Variants in TTC39B observed in about 807,000 individuals in gnomAD.
TTC39B encodes tetratricopeptide repeat domain 39B.
Under a neutral mutation model 96.6 loss-of-function variants are expected in TTC39B, and 92 were observed. The observed-to-expected ratio is 0.95, with a 90% CI of 0.80 to 1.13. TTC39B has a LOEUF of 1.13. Among genes scored for constraint, TTC39B ranks in the 50% most tolerant of loss-of-function variants. The pLI is 0.00. For missense variants in TTC39B, 955 were observed against 809.3 expected (o/e 1.18, Z -2.18); for synonymous variants, 367 against 299.4 (o/e 1.23, Z -2.33).
At chr9:15,235,114 A>G (rs1226823468) in intron 2 of TTC39B, among the ~76,000 whole-genome samples, 1 of 152,146 alleles carries the variant, frequency 6.6e-6, no homozygotes, top group African/African-American at 2.4e-5. Context: ...AAGAAATTTC[A>G]AAATACAGTT....
intron 2 of TTC39B, chr9:15,249,984 C>A (rs1422796748): frequency 7.8e-7 from 1 of 1,286,966 alleles, no homozygotes; most frequent in East Asian, 5.6e-5. Flanking sequence ...CTTTCCCTCT[C>A]TTCTACCAGA....
At chr9:15,226,932 A>G (rs780723501) in intron 2 of TTC39B, among the ~76,000 whole-genome samples, 2 of 152,202 alleles carry the variant, frequency 1.3e-5, no homozygotes, top group Non-Finnish European at 2.9e-5. Flanking sequence ...CATTAAAAAA[A>G]GAGGTAAAGT....
intron 2 of TTC39B, among the ~76,000 whole-genome samples, chr9:15,240,373 C>G (rs896790024): frequency 2.6e-5 from 4 of 152,218 alleles, no homozygotes. Flanking sequence ...AATAGATAAA[C>G]TAGATAAACT....
intron 3 of TTC39B, among the ~76,000 whole-genome samples, chr9:15,218,817 T>G (rs1820679808): frequency 6.6e-6 from 1 of 152,124 alleles, no homozygotes; most frequent in African/African-American, 2.4e-5. Context: ...TGACTCCCTT[T>G]TGCCTCAAGA....
intron 2 of TTC39B, among the ~76,000 whole-genome samples, chr9:15,254,866 CACACACTTT>C (rs1461457634): frequency 7.7e-6 from 1 of 130,310 alleles, no homozygotes; most frequent in African/African-American, 3.9e-5. Context: ...CACACAAACA[CACACACTTT>C]TTTTTTTTTT....
At chr9:15,196,709 G>T (rs947602802) in intron 8 of TTC39B, among the ~76,000 whole-genome samples, 2 of 152,182 alleles carry the variant, frequency 1.3e-5, no homozygotes, top group Non-Finnish European at 2.9e-5. Flanking sequence ...TGACAACAAA[G>T]GATTTGGAAT....
At chr9:15,183,721 G>C (rs1440018692) in intron 16 of TTC39B, among the ~76,000 whole-genome samples, 2 of 152,184 alleles carry the variant, frequency 1.3e-5, no homozygotes, top group African/African-American at 4.8e-5. Context: ...AATGAATCAG[G>C]CATGGAGCTA....
chr9:15,212,713 C>T (rs1389224668), intron 4 of TTC39B, among the ~76,000 whole-genome samples: 1 of 152,180 alleles, frequency 6.6e-6, no homozygotes, highest in African/African-American at 2.4e-5. Flanking sequence ...AGGCGTGAGC[C>T]ATTTAAACAC....
chr9:15,216,796 G>C (rs1820543696), intron 3 of TTC39B, among the ~76,000 whole-genome samples: 1 of 152,160 alleles, frequency 6.6e-6, no homozygotes, highest in Admixed American at 6.5e-5. Context: ...ATACAGCAAT[G>C]AACAAGACAC....
chr9:15,284,817 A>C (rs1309098617), intron 1 of TTC39B, among the ~76,000 whole-genome samples: 1 of 152,196 alleles, frequency 6.6e-6, no homozygotes, highest in Non-Finnish European at 1.5e-5. Flanking sequence ...GAATAATTTT[A>C]TGTATTACTA....
rs562942447 is a variant in TTC39B at position 15,186,243 on chromosome 9, T to C, written c.1487+701A>G. ...TCCGGGCAAAATATGGAGCTATGGA[T>C]TTTAAACTACAGTGTCTCATCATTT... On this transcript the variant is annotated intron_variant, in intron 15 of 19. Coordinates refer to ENST00000512701, the Ensembl canonical transcript of TTC39B. Among the ~76,000 whole-genome samples, 91 of 152,310 alleles carry C rather than the reference T, an allele frequency of 6.0e-4. 1 individual carries two copies. In the South Asian group the frequency reaches 7.0e-3, roughly 12 times the overall value.
At chr9:15,206,228 AT>A (rs1819847791) in intron 6 of TTC39B, among the ~76,000 whole-genome samples, 1 of 151,934 alleles carries the variant, frequency 6.6e-6, no homozygotes, top group African/African-American at 2.4e-5. Context: ...TTTGAAACCC[AT>A]TTGGGGCAAT....
At chr9:15,180,018 T>C (rs952943640) in intron 17 of TTC39B, among the ~76,000 whole-genome samples, 1 of 152,228 alleles carries the variant, frequency 6.6e-6, no homozygotes, top group Non-Finnish European at 1.5e-5. Context: ...AAAGTGTTCA[T>C]AGATGAACAT....
chr9:15,172,837 T>A (rs1401044157), intron 19 of TTC39B, among the ~76,000 whole-genome samples: 2 of 152,166 alleles, frequency 1.3e-5, no homozygotes, highest in African/African-American at 4.8e-5. Flanking sequence ...TTTGAACAGG[T>A]ATAAGGGCTA....
At chr9:15,185,652 G>A in intron 15 of TTC39B, 1 of 398,918 alleles carries the variant, frequency 2.5e-6, no homozygotes, top group Non-Finnish European at 4.5e-6. Context: ...ACTCAAGATT[G>A]AGAACCACTG....
chr9:15,285,593 G>A lies in TTC39B; in HGVS notation c.241-17645C>T, dbSNP rs539009084. On this transcript the variant is annotated intron_variant, in intron 1 of 19. Coordinates refer to ENST00000512701, the Ensembl canonical transcript of TTC39B. ...ATACAGGCCGGGAGCGGTGGCTCAC[G>A]CCTGTAATCCCTGCACTTCGGGAGG... Among the ~76,000 whole-genome samples the A allele has an allele frequency of 1.9e-3, 294 of 152,262 alleles. 2 individuals carry two copies. The highest frequency in any genetic ancestry group is 2.4e-3 in the Non-Finnish European group (162 of 68,030).
intron 13 of TTC39B, 31 bp downstream of exon 13, chr9:15,189,543 T>A: frequency 6.2e-7 from 1 of 1,612,950 alleles, no homozygotes; most frequent in East Asian, 2.2e-5. Flanking sequence ...TACAGACAAC[T>A]CCCCCAAATA....
intron 2 of TTC39B, among the ~76,000 whole-genome samples, chr9:15,237,323 A>G (rs1245023940): frequency 6.6e-6 from 1 of 152,232 alleles, no homozygotes; most frequent in Non-Finnish European, 1.5e-5. Context: ...TCAAAAAAGA[A>G]AAGAATAAAT....
At chr9:15,227,087 A>T (rs886858730) in intron 2 of TTC39B, among the ~76,000 whole-genome samples, 18 of 152,222 alleles carry the variant, frequency 1.2e-4, no homozygotes, top group African/African-American at 4.1e-4. Flanking sequence ...CAGGTGGATC[A>T]CCCGAGGTCA....
Sources: gnomAD v4.1 joint callset for allele counts (sites outside exome capture counted in the v4.1 genomes callset) on GRCh38, gnomAD v4.1.1 for gene constraint, MANE v1.5 for transcripts, NCBI Gene and HGNC (gene_info 2026-07-23, HGNC 2026-07-21) for gene names.